Variants in THRB observed in about 807,000 individuals in gnomAD.
THRB encodes thyroid hormone receptor beta.
Under a neutral mutation model 47.8 loss-of-function variants are expected in THRB, and 12 were observed. That is an observed-to-expected ratio of 0.25 (90% CI 0.16 to 0.41). The LOEUF is 0.41. Ranked by LOEUF, THRB falls within the 10% of genes least tolerant of loss-of-function variation. THRB has a pLI of 1.00. For synonymous variants in THRB, 218 were observed against 212.2 expected (o/e 1.03, Z -0.24); for missense variants, 348 against 589.2 (o/e 0.59, Z 4.24).
chr3:24,321,464 C>G (rs530020909), intron 2 of THRB, among the ~76,000 whole-genome samples: 2 of 151,880 alleles, frequency 1.3e-5, no homozygotes, highest in Non-Finnish European at 2.9e-5. Context: ...AACATAGATT[C>G]CTTTTAAAAT....
intron 1 of THRB, among the ~76,000 whole-genome samples, chr3:24,428,382 A>G (rs2069993549): frequency 6.6e-6 from 1 of 152,024 alleles, no homozygotes; most frequent in South Asian, 2.1e-4. Context: ...TGATAGCAAC[A>G]TTGTGCACAG....
At chr3:24,169,163 TG>T (rs1456318846) in intron 5 of THRB, among the ~76,000 whole-genome samples, 1 of 152,214 alleles carries the variant, frequency 6.6e-6, no homozygotes, top group African/African-American at 2.4e-5. Context: ...GTTGGGCTCA[TG>T]GCCCCTGAGA....
At chr3:24,157,983 G>A (rs902525738) in intron 5 of THRB, among the ~76,000 whole-genome samples, 18 of 152,222 alleles carry the variant, frequency 1.2e-4, no homozygotes, top group African/African-American at 4.3e-4. Flanking sequence ...AACACTTGAA[G>A]ATGCAAACCA....
chr3:24,334,764 T>C (rs1466335411), intron 2 of THRB, among the ~76,000 whole-genome samples: 2 of 152,176 alleles, frequency 1.3e-5, no homozygotes, highest in African/African-American at 4.8e-5. Flanking sequence ...AGACTATCCA[T>C]AACTCTTAGG....
intron 5 of THRB, among the ~76,000 whole-genome samples, chr3:24,176,915 C>G (rs529339586): frequency 6.6e-6 from 1 of 152,234 alleles, no homozygotes; most frequent in Non-Finnish European, 1.5e-5. Context: ...GAACTATACA[C>G]TTAAAACAGG....
chr3:24,293,916 G>C (rs1349511570), intron 3 of THRB, among the ~76,000 whole-genome samples: 2 of 152,106 alleles, frequency 1.3e-5, no homozygotes, highest in Admixed American at 6.5e-5. Flanking sequence ...CTGGTACTTG[G>C]ATTTCCAGTG....
chr3:24,248,735 C>G (rs1250136864), intron 3 of THRB, among the ~76,000 whole-genome samples: 1 of 152,148 alleles, frequency 6.6e-6, no homozygotes, highest in Non-Finnish European at 1.5e-5. Context: ...AGTCCCTTTG[C>G]GTCCCTCAGA....
intron 4 of THRB, among the ~76,000 whole-genome samples, chr3:24,191,293 TA>T (rs1230068279): frequency 1.3e-5 from 2 of 151,944 alleles, no homozygotes; most frequent in East Asian, 1.9e-4. Flanking sequence ...TTGTACACAT[TA>T]AAAAAACAAT....
At chr3:24,466,940 C>G (rs1464600723) in intron 1 of THRB, among the ~76,000 whole-genome samples, 1 of 152,158 alleles carries the variant, frequency 6.6e-6, no homozygotes. Context: ...TCAATTAACT[C>G]TTTCTTTCAT....
intron 1 of THRB, chr3:24,494,037 A>G: frequency 6.5e-6 from 1 of 153,300 alleles, no homozygotes; most frequent in Non-Finnish European, 1.5e-5. Flanking sequence ...AGCGCGACCC[A>G]GGAGGCTAGC....
chr3:24,321,852 C>T (rs9857466), intron 2 of THRB, among the ~76,000 whole-genome samples: 1 of 151,760 alleles, frequency 6.6e-6, no homozygotes, highest in South Asian at 2.1e-4. Flanking sequence ...TTTGAAGACA[C>T]CATGAAAAAT....
intron 1 of THRB, among the ~76,000 whole-genome samples, chr3:24,362,628 T>C (rs753593648): frequency 3.5e-4 from 53 of 152,314 alleles, no homozygotes; most frequent in Non-Finnish European, 6.8e-4. Flanking sequence ...GTTTTGTTGA[T>C]TATAGTGTCT....
At chr3:24,398,563 A>G (rs2150053696) in intron 1 of THRB, among the ~76,000 whole-genome samples, 1 of 152,312 alleles carries the variant, frequency 6.6e-6, no homozygotes, top group Non-Finnish European at 1.5e-5. Context: ...GCGATCATTA[A>G]AAAGTCAGGA....
At chr3:24,143,783 C>G in intron 7 of THRB, 77 bp from the exon 8 acceptor site, 1 of 1,488,506 alleles carries the variant, frequency 6.7e-7, no homozygotes. Context: ...CCTGGAGCCT[C>G]AGGAGTGGGA....
chr3:24,216,020 C>T (rs1165955735), intron 4 of THRB, among the ~76,000 whole-genome samples: 1 of 152,172 alleles, frequency 6.6e-6, no homozygotes, highest in Non-Finnish European at 1.5e-5. Flanking sequence ...TTTTGGGGTT[C>T]ATTTATTGCA....
At chr3:24,458,081 A>T (rs1178755334) in intron 1 of THRB, 1 of 152,204 alleles carries the variant, frequency 6.6e-6, no homozygotes, top group African/African-American at 2.4e-5. Context: ...GGGCTGGCCT[A>T]GGGTCCACAC....
chr3:24,321,574 G>A (rs947036388), intron 2 of THRB, among the ~76,000 whole-genome samples: 7 of 151,974 alleles, frequency 4.6e-5, no homozygotes, highest in Admixed American at 1.3e-4. Context: ...GGTCTAAGAC[G>A]GGCTTCTAAG....
intron 3 of THRB, among the ~76,000 whole-genome samples, chr3:24,233,560 GAAGAAAGAAAGAAAGAAAGA>G (rs769459380): frequency 1.2e-4 from 9 of 77,352 alleles, no homozygotes; most frequent in Admixed American, 2.4e-4. Flanking sequence ...AAAGAAAAAG[GAAGAAAGAAAGAAAGAAAGA>G]AAGAAAGAAA....
chr3:24,288,800 C>G (rs1026278142), intron 3 of THRB, among the ~76,000 whole-genome samples: 1 of 152,204 alleles, frequency 6.6e-6, no homozygotes, highest in Non-Finnish European at 1.5e-5. Context: ...ATGAAGTAGA[C>G]TGGAAAGCGT....
Sources: allele counts gnomAD v4.1 joint callset (sites outside exome capture counted in the v4.1 genomes callset), GRCh38; gene constraint gnomAD v4.1.1; transcripts MANE v1.5; gene names NCBI Gene and HGNC (gene_info 2026-07-23, HGNC 2026-07-21).